Variants in SRGAP3 observed in about 807,000 individuals in gnomAD.
SRGAP3 encodes SLIT-ROBO Rho GTPase-activating protein 3.
Under a neutral mutation model 121.1 loss-of-function variants are expected in SRGAP3, and 39 were observed. The ratio of observed to expected loss-of-function variants is 0.32; its 90% CI spans 0.25 to 0.42. The LOEUF (loss-of-function observed/expected upper bound fraction) is 0.42. Among genes scored for constraint, SRGAP3 ranks in the 10% least tolerant of loss-of-function variants. The pLI, the probability that SRGAP3 is intolerant of heterozygous loss-of-function variation, is 1.00. For missense variants in SRGAP3, 1,213 were observed against 1,470.6 expected, an observed-to-expected ratio of 0.82 and a Z score of 2.86; for synonymous variants, 601 against 570.0, an observed-to-expected ratio of 1.05 and a Z score of -0.77.
At chr3:9,315,411 T>G (rs1955326754) in intron 3 of SRGAP3, among the ~76,000 whole-genome samples, 1 of 152,228 alleles carries the variant, frequency 6.6e-6, no homozygotes, top group South Asian at 2.1e-4. Context: ...TTTGATCATT[T>G]GATTGGCCAG....
chr3:9,338,622 G>A (rs905871210), intron 1 of SRGAP3, among the ~76,000 whole-genome samples: 3 of 152,172 alleles, frequency 2.0e-5, no homozygotes, highest in African/African-American at 7.2e-5. Context: ...ATCAGCCTCA[G>A]GTCTTCTTGA....
chr3:9,351,051 T>C (rs1026589683), intron 1 of SRGAP3, among the ~76,000 whole-genome samples: 3 of 152,214 alleles, frequency 2.0e-5, no homozygotes, highest in Non-Finnish European at 2.9e-5. Flanking sequence ...TCTTTCAACA[T>C]GCAAGAGTTC....
intron 1 of SRGAP3, among the ~76,000 whole-genome samples, chr3:9,190,156 C>G (rs190719808): frequency 6.6e-6 from 1 of 152,312 alleles, no homozygotes; most frequent in African/African-American, 2.4e-5. Flanking sequence ...TAGAAACATC[C>G]TCACACAATC....
At chr3:9,348,323 A>T (rs1955943826) in intron 1 of SRGAP3, 2 of 399,226 alleles carry the variant, frequency 5.0e-6, no homozygotes, top group Admixed American at 3.6e-5. Flanking sequence ...AGAGACAAAG[A>T]GTGAAAAGAA....
At chr3:9,251,326 C>T (rs1485967665), upstream of SRGAP3, among the ~76,000 whole-genome samples, 1 of 152,136 alleles carries the variant, frequency 6.6e-6, no homozygotes, top group African/African-American at 2.4e-5. Flanking sequence ...GCCACTGGCC[C>T]GCAGCCCTTG....
chr3:9,323,694 C>G (rs555852516), intron 3 of SRGAP3, among the ~76,000 whole-genome samples: 45 of 151,594 alleles, frequency 3.0e-4, no homozygotes, highest in Middle Eastern at 3.4e-3. Flanking sequence ...TGAGAAGGTA[C>G]AGATGATAAA....
intron 1 of SRGAP3, among the ~76,000 whole-genome samples, chr3:9,354,838 T>C (rs2648543): frequency 0.53 from 80,903 of 151,524 alleles, 22,799 homozygotes; most frequent in East Asian, 0.87. Context: ...TTGTTTACTC[T>C]TTAGTTTAAT....
Position 9,348,068 on chromosome 3 carries a change from A to C in SRGAP3, n.214+14772T>G, listed in dbSNP as rs140334527. Among the ~76,000 whole-genome samples the C allele has an allele frequency of 4.6e-5, 7 of 152,340 alleles. No homozygotes were observed. In the East Asian group the frequency reaches 1.3e-3, roughly 29 times the overall value. On this transcript the variant is annotated intron_variant and non_coding_transcript_variant, in intron 1 of 3. Transcript: ENST00000490889. ...ACAACCTAATGAGCTTGCCATTTTC[A>C]ATCATCTAGGCTCCTCATTATTCAG... is the stretch of plus-strand genomic sequence containing the variant.
chr3:9,040,046 G>C (rs745312038), intron 10 of SRGAP3, among the ~76,000 whole-genome samples: 2 of 152,148 alleles, frequency 1.3e-5, no homozygotes, highest in African/African-American at 2.4e-5. Flanking sequence ...CTTGAAAACT[G>C]TCTTTCCTTC....
chr3:9,058,175 C>A, intron 7 of SRGAP3, 76 bp downstream of exon 7: 1 of 1,503,698 alleles, frequency 6.7e-7, no homozygotes, highest in Middle Eastern at 2.2e-4. Context: ...GTACGTGCAA[C>A]CAGGGATGAT....
At chr3:9,335,056 C>A (rs1005068916) in intron 1 of SRGAP3, among the ~76,000 whole-genome samples, 1 of 152,222 alleles carries the variant, frequency 6.6e-6, no homozygotes, top group East Asian at 1.9e-4. Context: ...GCTATTCTTG[C>A]ATAACAAATC....
intron 9 of SRGAP3, among the ~76,000 whole-genome samples, chr3:9,049,921 A>G (rs1217736392): frequency 6.7e-6 from 1 of 149,746 alleles, no homozygotes; most frequent in East Asian, 1.9e-4. Flanking sequence ...CCAGCCAAGT[A>G]GCTGGGACCT....
chr3:9,243,648 A>AAG (rs533435777), intron 1 of SRGAP3, among the ~76,000 whole-genome samples: 85 of 149,310 alleles, frequency 5.7e-4, no homozygotes, highest in East Asian at 5.5e-3. Flanking sequence ...AAAAAAAAAA[A>AAG]AGAGAGAGAG....
chr3:9,003,514 C>T (rs973552920), intron 18 of SRGAP3, among the ~76,000 whole-genome samples: 1 of 108,030 alleles, frequency 9.3e-6, no homozygotes, highest in Non-Finnish European at 2.0e-5. Flanking sequence ...AAAAAAATCA[C>T]TAGCGAGCCA....
At chr3:9,302,079 T>C (rs1402554584) in intron 3 of SRGAP3, among the ~76,000 whole-genome samples, 2 of 152,206 alleles carry the variant, frequency 1.3e-5, no homozygotes, top group Non-Finnish European at 2.9e-5. Flanking sequence ...ACAACCGTCC[T>C]CAGTGCCTTA....
At chr3:9,141,408 G>A (rs564851568) in intron 1 of SRGAP3, among the ~76,000 whole-genome samples, 1 of 152,268 alleles carries the variant, frequency 6.6e-6, no homozygotes, top group South Asian at 2.1e-4. Context: ...GCATGGGATG[G>A]AAAGCCACTA....
rs1309918536 is a variant in SRGAP3 at position 9,321,863 on chromosome 3, C to T, written n.442+4147G>A. On this transcript the variant is annotated intron_variant and non_coding_transcript_variant, in intron 3 of 3. Coordinates refer to the SRGAP3 transcript ENST00000490889. Reference sequence around the variant, plus strand: ...GAGGATCAGAAAAAATTTTTGGGTACTAGGCTTAGTACCTAGGTGACAAAA... The same window carrying T: ...GAGGATCAGAAAAAATTTTTGGGTATTAGGCTTAGTACCTAGGTGACAAAA... Among the ~76,000 whole-genome samples, 9 of 151,512 alleles carry T rather than the reference C, an allele frequency of 5.9e-5. 1 individual carries two copies.
At chr3:9,078,970 G>A (rs141442918) in intron 4 of SRGAP3, among the ~76,000 whole-genome samples, 1 of 152,184 alleles carries the variant, frequency 6.6e-6, no homozygotes, top group Non-Finnish European at 1.5e-5. Flanking sequence ...TCTGAGGCAG[G>A]CTTTCTGACC....
At chr3:8,997,875 G>GA (rs1942504683) in intron 18 of SRGAP3, among the ~76,000 whole-genome samples, 1 of 105,518 alleles carries the variant, frequency 9.5e-6, no homozygotes, top group Admixed American at 9.6e-5. Context: ...AATATTCATA[G>GA]AGGTTTTTTT....
Sources: allele counts gnomAD v4.1 joint callset (sites outside exome capture counted in the v4.1 genomes callset), GRCh38; gene constraint gnomAD v4.1.1; transcripts MANE v1.5; gene names NCBI Gene and HGNC (gene_info 2026-07-23, HGNC 2026-07-21).